The following AKAP6 variants were observed in gnomAD, a reference collection of about 807,000 sequenced individuals.
The protein encoded by AKAP6 is A-kinase anchoring protein 6, also known as A-kinase anchor protein 6.
AKAP6 carries 58 observed loss-of-function variants against 188.5 expected under a neutral mutation model. That is an observed-to-expected ratio of 0.31 (90% CI 0.25 to 0.38). AKAP6 has a LOEUF of 0.38. Ranked by LOEUF, AKAP6 falls within the 10% of genes least tolerant of loss-of-function variation. AKAP6 has a pLI of 1.00. For missense variants in AKAP6, 2,710 were observed against 2,740.0 expected (o/e 0.99, Z 0.24); for synonymous variants, 989 against 998.6 (o/e 0.99, Z 0.18).
rs1290199261 is a variant in AKAP6, at chr14:32,834,537, T to G, written c.*4732T>G. 2 of 149,420 alleles carry G rather than the reference T, an allele frequency of 1.3e-5. No homozygotes were observed. The highest frequency in any genetic ancestry group is 6.7e-5 in the Admixed American group (1 of 14,972). The allele number at this position is 149,420 out of a possible 1,614,324, so 9.3% of individuals were successfully genotyped here. ...CACTGCTTTTAGTTTCCAAGTCTTT[T>G]TTTTTTTTTTTTTTTTTAAATCTTG... On this transcript the variant is annotated 3_prime_UTR_variant, in exon 14 of 14. Transcript: ENST00000280979.
intron 1 of AKAP6, among the ~76,000 whole-genome samples, chr14:32,426,883 A>G (rs1555327606): frequency 2.6e-5 from 4 of 152,062 alleles, no homozygotes; most frequent in Non-Finnish European, 5.9e-5. Flanking sequence ...AGGGGAGAAG[A>G]TGATTGATTA....
intron 7 of AKAP6, among the ~76,000 whole-genome samples, chr14:32,609,834 T>C: frequency 6.6e-6 from 1 of 151,696 alleles, no homozygotes. Context: ...GTCTGTTTCA[T>C]GGACCTTAGT....
At chr14:32,390,971 C>T (rs1453768731) in intron 1 of AKAP6, among the ~76,000 whole-genome samples, 1 of 152,098 alleles carries the variant, frequency 6.6e-6, no homozygotes, top group Admixed American at 6.6e-5. Flanking sequence ...GTTGCATTTG[C>T]TACTAATGTA....
At chr14:32,584,953 A>G (rs1885163082) in intron 5 of AKAP6, among the ~76,000 whole-genome samples, 1 of 152,170 alleles carries the variant, frequency 6.6e-6, no homozygotes, top group African/African-American at 2.4e-5. Context: ...AAACAGAGTT[A>G]CTAAAAGCTA....
intron 2 of AKAP6, among the ~76,000 whole-genome samples, chr14:32,523,833 T>A (rs1231916684): frequency 6.6e-6 from 1 of 151,682 alleles, no homozygotes; most frequent in Non-Finnish European, 1.5e-5. Flanking sequence ...CTTACTGTTT[T>A]GTCAAAGAAA....
intron 7 of AKAP6, among the ~76,000 whole-genome samples, chr14:32,617,752 A>C (rs1350398228): frequency 6.6e-6 from 1 of 152,122 alleles, no homozygotes; most frequent in African/African-American, 2.4e-5. Flanking sequence ...TGGCCTCCCA[A>C]GTAGCTGGGA....
intron 2 of AKAP6, among the ~76,000 whole-genome samples, chr14:32,487,225 T>C (rs1256515898): frequency 6.6e-6 from 1 of 152,220 alleles, no homozygotes; most frequent in East Asian, 1.9e-4. Context: ...TTGTCAGTAT[T>C]TTATTGAAGA....
At chr14:32,357,656 C>T (rs973935895) in intron 1 of AKAP6, among the ~76,000 whole-genome samples, 55 of 152,178 alleles carry the variant, frequency 3.6e-4, no homozygotes, top group Admixed American at 2.7e-3. Context: ...ACATGTGGCA[C>T]CTTTATGAAA....
chr14:32,497,643 G>A (rs962411658), intron 2 of AKAP6, among the ~76,000 whole-genome samples: 1 of 151,870 alleles, frequency 6.6e-6, no homozygotes, highest in Non-Finnish European at 1.5e-5. Flanking sequence ...AGGTCAAGTT[G>A]GTTGCTAGTG....
chr14:32,773,578 G>A (rs564036517), intron 11 of AKAP6, 100 bp from the exon 12 acceptor site: 1 of 1,111,282 alleles, frequency 9.0e-7, no homozygotes. Flanking sequence ...GTAGCTGAGT[G>A]TATCACTACA....
intron 9 of AKAP6, among the ~76,000 whole-genome samples, chr14:32,707,183 TTA>T (rs1218147214): frequency 9.1e-6 from 1 of 109,326 alleles, no homozygotes; most frequent in Non-Finnish European, 2.5e-5. Flanking sequence ...ATTAACTTAT[TTA>T]ATTTAAAAAA....
chr14:32,355,714 G>T (rs1887460153), intron 1 of AKAP6, among the ~76,000 whole-genome samples: 1 of 151,952 alleles, frequency 6.6e-6, no homozygotes, highest in Non-Finnish European at 1.5e-5. Flanking sequence ...TAACTTTAAT[G>T]TGATATGAAA....
chr14:32,765,543 T>C (rs1245188302), intron 11 of AKAP6, among the ~76,000 whole-genome samples: 1 of 152,242 alleles, frequency 6.6e-6, no homozygotes, highest in Non-Finnish European at 1.5e-5. Flanking sequence ...GTTTATGTTT[T>C]ATGCTATTTC....
In AKAP6 at chr14:32,732,606, T is replaced by C. The variant is rs781771887; in HGVS notation, c.3147+6T>C. The C allele has an allele frequency of 3.7e-6, 6 of 1,613,188 alleles. No homozygotes were observed. The highest frequency in any genetic ancestry group is 5.1e-6 in the Non-Finnish European group (6 of 1,179,576). On this transcript the variant is annotated splice_donor_region_variant and intron_variant, in intron 10 of 13. Coordinates refer to ENST00000280979, the MANE Select transcript of AKAP6 (RefSeq NM_004274.5). ...AAAAATGGGAACTGCTTGGGGTATT[T>C]GCATTTTTATTACTGTTTGTAGGTT...
chr14:32,822,966 T>G lies in AKAP6; in HGVS notation c.5153T>G (p.Phe1718Cys). The part of the protein sequence containing the change: ...KNKIPESNAS[F>C]RKRLTRSVAD... ...AAGATCCCGGAATCGAATGCATCGT[T>G]CAGGAAGCGTCTGACTCGTTCAGTG... The change falls in exon 13 of 14, where the codon TTC becomes TGC. Residue 1718 changes from phenylalanine (F) to cysteine (C), a missense_variant. Phe to Cys is a radical substitution (Grantham distance 205). Transcript: ENST00000280979. 6.2e-7 allele frequency: 1 copy of G among 1,613,902 alleles called. No homozygotes were observed. The highest frequency in any genetic ancestry group is 8.5e-7 in the Non-Finnish European group (1 of 1,179,906).
At chr14:32,569,180 G>A (rs1884346508) in intron 4 of AKAP6, among the ~76,000 whole-genome samples, 1 of 152,058 alleles carries the variant, frequency 6.6e-6, no homozygotes, top group African/African-American at 2.4e-5. Flanking sequence ...ACCATTCCAT[G>A]CCATTTTGCT....
In AKAP6 at chr14:32,789,478, G is replaced by C. The variant is rs182369926; in HGVS notation, c.3588+15585G>C. Among the ~76,000 whole-genome samples, 21 of 152,326 alleles carry C rather than the reference G, an allele frequency of 1.4e-4. No homozygotes were observed. In the East Asian group the frequency reaches 3.5e-3, roughly 25 times the overall value. ...ACCTTCTACAGGTGTGGTTGGGCCGGCAACAGGTCAGTACCCTACTGGAAC... is the reference window on the plus strand; with the variant it reads ...ACCTTCTACAGGTGTGGTTGGGCCGCCAACAGGTCAGTACCCTACTGGAAC... On this transcript the variant is annotated intron_variant, in intron 12 of 13. Transcript: ENST00000280979.
rs1300800427 is a variant in AKAP6, at chr14:32,522,723, CA to C, written c.325-12830del. On this transcript the variant is annotated intron_variant, in intron 2 of 13. Transcript: ENST00000280979. ...TGGAGAGGATGTGGAGAAATAGGAA[CA>C]TTTTTATACTGTTGGTGGGAGTGTA... Among the ~76,000 whole-genome samples, 3 of 152,132 alleles carry C rather than the reference CA, an allele frequency of 2.0e-5. No individual in the cohort carries two copies. In the East Asian group the frequency reaches 5.8e-4, roughly 29 times the overall value.
intron 5 of AKAP6, among the ~76,000 whole-genome samples, chr14:32,585,518 G>T (rs78290929): frequency 0.018 from 2,752 of 151,966 alleles, 91 homozygotes; most frequent in African/African-American, 0.063. Flanking sequence ...GTGTGTGTAT[G>T]TACAACACAA....
Sources: allele counts gnomAD v4.1 joint callset (sites outside exome capture counted in the v4.1 genomes callset), GRCh38; gene constraint gnomAD v4.1.1; transcripts MANE v1.5; gene names NCBI Gene and HGNC (gene_info 2026-07-23, HGNC 2026-07-21).